DLX5: variants seen among roughly 807,000 people sequenced by gnomAD.
DLX5 encodes the protein distal-less homeobox 5.
Under a neutral mutation model 27.1 loss-of-function variants are expected in DLX5, and 8 were observed. That is an observed-to-expected ratio of 0.30 (90% confidence interval 0.17 to 0.53). The LOEUF is 0.53. DLX5 is among the 20% of genes least tolerant of loss of function. The probability of loss-of-function intolerance (pLI) is 0.95; values close to 1 mark genes in which losing one functional copy is unlikely to be tolerated. For synonymous variants in DLX5, 178 were observed against 161.9 expected (o/e 1.10, Z -0.75); for missense variants, 339 against 375.1 (o/e 0.90, Z 0.80).
Position 97,022,060 on chromosome 7 carries a change from T to G in DLX5, c.540+125A>C, listed in dbSNP as rs186612887. The G allele has an allele frequency of 1.7e-4, 192 of 1,139,404 alleles. 1 individual carries two copies. In the African/African-American group the frequency reaches 2.8e-3, roughly 16 times the overall value. The allele number at this position is 1,139,404 out of a possible 1,614,324, so 70.6% of individuals were successfully genotyped here. On this transcript the variant is annotated intron_variant, in intron 2 of 2. Coordinates refer to ENST00000648378, the MANE Select transcript of DLX5 (RefSeq NM_005221.6). ...CCGAGTTAAAGCATAGGGGCTGATG[T>G]CTTTGGGTCTGTTAGTTTCTCACGG... is the stretch of plus-strand genomic sequence containing the variant.
chr7:97,020,621 C>T lies in DLX5; in HGVS notation c.*115G>A. On this transcript the variant is annotated 3_prime_UTR_variant, in exon 3 of 3. Transcript: ENST00000648378. The stretch of plus-strand genomic sequence containing the variant: ...AACTTACATGCAAAAAAAAGCTTTA[C>T]ACATGAATCTTTTTCAGTTTTCCGA... 1.8e-6 allele frequency: 2 copies of T among 1,095,300 alleles called. No individual in the cohort carries two copies. Among genetic ancestry groups the T allele is most frequent in the Admixed American group, 3.2e-5 (1 of 31,082 alleles). The allele number at this position is 1,095,300 out of a possible 1,614,324, so 67.8% of individuals were successfully genotyped here.
chr7:97,024,375 G>T lies in DLX5; in HGVS notation c.249C>A (p.Ser83=). Residue 83 remains serine (S), a synonymous_variant, in exon 1 of 3, where the codon TCC becomes TCA. Coordinates refer to ENST00000648378, the MANE Select transcript of DLX5 (RefSeq NM_005221.6). This position sits in a 1 kb window ranked among gnomAD's most constrained non-coding sequence, Gnocchi z 4.6. ...AAGCTTTGGCTGGGTAGCTCCCGGC[G>T]GAGCCGTTCACGCCGTGATACTGAT... is the stretch of plus-strand genomic sequence containing the variant. ...YQYQYHGVNG[S]AGSYPAKAYA... is the part of the protein sequence containing the mutation. 6.2e-7 allele frequency: 1 copy of T among 1,614,242 alleles called. No homozygotes were observed. Among genetic ancestry groups the T allele is most frequent in the Non-Finnish European group, 8.5e-7 (1 of 1,180,050 alleles).
chr7:97,022,947 C>T (rs1584167069), intron 1 of DLX5, among the ~76,000 whole-genome samples: 1 of 151,856 alleles, frequency 6.6e-6, no homozygotes, highest in Non-Finnish European at 1.5e-5. Context: ...TATGCAACCC[C>T]CATAATCTCG....
rs1380318930 is a variant in DLX5 at position 97,024,565 on chromosome 7, G to A, written c.59C>T (p.Pro20Leu). The change falls in exon 1 of 3, where the codon CCG (proline) becomes CTG (leucine). Residue 20 changes from proline (P) to leucine (L), a missense_variant. Coordinates refer to ENST00000648378, the MANE Select transcript of DLX5 (RefSeq NM_005221.6). The surrounding 1 kb of genome is among the most constrained non-coding windows in gnomAD (Gnocchi z 4.6). Reference sequence around the variant, plus strand: ...GTGCATAGCTGCGGACGTCTGGAACGGAGCTTGGAAGTCGCCGGATCGGAT... The same window carrying A: ...GTGCATAGCTGCGGACGTCTGGAACAGAGCTTGGAAGTCGCCGGATCGGAT... ...PSIRSGDFQAPFQTSAAMHHP... is the reference protein window; with the variant it reads ...PSIRSGDFQALFQTSAAMHHP... 6.2e-7 allele frequency: 1 copy of A among 1,611,596 alleles called. No homozygotes were observed. The highest frequency in any genetic ancestry group is 1.1e-5 in the South Asian group (1 of 91,044).
At position 97,024,731 on chromosome 7, in the gene DLX5, G is replaced by GGAGGAGGAGGAA; in HGVS notation, c.-120_-109dup. On this transcript the variant is annotated 5_prime_UTR_variant, in exon 1 of 3. Transcript: ENST00000648378. The surrounding 1 kb of genome is among the most constrained non-coding windows in gnomAD (Gnocchi z 4.6). ...AAGCAGACATGGCTGTGGGAGCGAG[G>GGAGGAGGAGGAA]GAGGAGGAGGAAGAGGAGGAGGAGA... The GGAGGAGGAGGAA allele has an allele frequency of 2.1e-6, 2 of 964,508 alleles. No homozygotes were observed. The highest frequency in any genetic ancestry group is 3.1e-6 in the Non-Finnish European group (2 of 652,292). 59.7% of individuals were successfully genotyped at this position (964,508 alleles called of 1,614,324 possible).
intron 1 of DLX5, among the ~76,000 whole-genome samples, chr7:97,023,652 T>C (rs1790123539): frequency 6.6e-6 from 1 of 152,052 alleles, no homozygotes; most frequent in Admixed American, 6.5e-5. Context: ...TCCTACAACG[T>C]GACCCCTCAG....
chr7:97,024,802 G>T lies in DLX5; in HGVS notation c.-179C>A. On this transcript the variant is annotated 5_prime_UTR_variant, in exon 1 of 3. Transcript: ENST00000648378. This position sits in a 1 kb window ranked among gnomAD's most constrained non-coding sequence, Gnocchi z 4.6. ...CGGCGAGGAGGAGACTGGGAGTCGTGAAGTCTCTGTCTCCGGCCGGCTGAC... is the reference window on the plus strand; with the variant it reads ...CGGCGAGGAGGAGACTGGGAGTCGTTAAGTCTCTGTCTCCGGCCGGCTGAC... The T allele has an allele frequency of 5.0e-6, 3 of 600,956 alleles. No individual in the cohort carries two copies. The highest frequency in any genetic ancestry group is 2.2e-5 in the South Asian group (1 of 45,848). The allele number at this position is 600,956 out of a possible 1,614,324, so 37.2% of individuals were successfully genotyped here. A position where few individuals can be genotyped will look rare whatever the true frequency, so the allele number is the denominator to read the frequency against.
intron 2 of DLX5, among the ~76,000 whole-genome samples, chr7:97,021,448 C>A (rs1006371181): frequency 6.6e-6 from 1 of 152,170 alleles, no homozygotes; most frequent in Non-Finnish European, 1.5e-5. Flanking sequence ...CGCGCGAGCC[C>A]GGCGGGGAAG....
rs142492086 is a variant in DLX5, at chr7:97,020,914, C to A, written c.692G>T (p.Arg231Leu). 1.9e-6 allele frequency: 3 copies of A among 1,613,966 alleles called. No individual in the cohort carries two copies. Among genetic ancestry groups the A allele is most frequent in the East Asian group, 4.5e-5 (2 of 44,886 alleles). ...GGCATGAGGGTGGTGGCTGAGCGAG[C>A]GGGACGAGCCCTGGGGCTCCCACAC... ...PAVWEPQGSS[R>L]SLSHHPHAHP... The change falls in exon 3 of 3, where the codon CGC becomes CTC. Residue 231 changes from arginine (R) to leucine (L), a missense_variant. By Grantham distance (102) the Arg-to-Leu change is moderately radical. This residue lies in a region of DLX5 where 136 missense variants were observed against 130.3 expected (regional missense o/e 1.04). Transcript: ENST00000648378.
chr7:97,022,482 C>A, intron 1 of DLX5, 113 bp from the exon 2 acceptor site: 1 of 1,528,510 alleles, frequency 6.5e-7, no homozygotes, highest in South Asian at 1.3e-5. Flanking sequence ...CATTCTTTGC[C>A]CATATCACCA....
rs150240386 is a variant in DLX5 at position 97,022,550 on chromosome 7, G to C, written c.356-181C>G. On this transcript the variant is annotated intron_variant, in intron 1 of 2. Transcript: ENST00000648378. Reference sequence around the variant, plus strand: ...GCACCTACCCCAAATATGGAAAAGCGGGATAGCCTCTGATTAATTCCTACT... The same window carrying C: ...GCACCTACCCCAAATATGGAAAAGCCGGATAGCCTCTGATTAATTCCTACT... 2.2e-5 allele frequency: 22 copies of C among 985,410 alleles called. No homozygotes were observed. In the African/African-American group the frequency reaches 3.7e-4, roughly 16 times the overall value. 61.0% of individuals were successfully genotyped at this position (985,410 alleles called of 1,614,324 possible).
intron 2 of DLX5, chr7:97,021,874 C>A: frequency 1.7e-6 from 1 of 593,814 alleles, no homozygotes; most frequent in Admixed American, 3.0e-5. Context: ...TCTGGGCTGC[C>A]TAGGCCGCCC....
intron 2 of DLX5, among the ~76,000 whole-genome samples, chr7:97,021,519 G>T (rs1189610976): frequency 6.6e-6 from 1 of 152,182 alleles, no homozygotes; most frequent in African/African-American, 2.4e-5. Flanking sequence ...CCAACCTCCC[G>T]TCCTACTCCC....
In DLX5 at chr7:97,024,506, A is replaced by C. The variant is rs1442997651; in HGVS notation, c.118T>G (p.Ser40Ala). ...TAGTAGTCAGAATCGGTAGCTGAAG[A>C]CTCGGGCAAAGTTGGCGATTCCTGA... ...PSQESPTLPE[S>A]SATDSDYYSP... Residue 40 changes from serine (S) to alanine (A), a missense_variant, in exon 1 of 3, where the codon TCT becomes GCT. Around this residue, in one of 3 missense-constraint regions of DLX5, gnomAD observed 188 missense variants for 206.1 expected, o/e 0.91. Transcript: ENST00000648378. The surrounding 1 kb of genome is among the most constrained non-coding windows in gnomAD (Gnocchi z 4.6). 4.3e-6 allele frequency: 7 copies of C among 1,614,144 alleles called. No homozygotes were observed. The highest frequency in any genetic ancestry group is 5.9e-6 in the Non-Finnish European group (7 of 1,180,028).
intron 2 of DLX5, among the ~76,000 whole-genome samples, chr7:97,021,778 T>C (rs145643861): frequency 0.011 from 1,631 of 152,196 alleles, 21 homozygotes; most frequent in Middle Eastern, 0.017. Flanking sequence ...TTCTCAGCCT[T>C]TTCTTAGCCT....
intron 1 of DLX5, among the ~76,000 whole-genome samples, chr7:97,023,337 GGTGTGTGTGTGTGTGTGTGTGTGTGTGT>G (rs10525881): frequency 6.9e-6 from 1 of 145,404 alleles, no homozygotes; most frequent in Admixed American, 6.8e-5. Context: ...ACCTCTCCAG[GGTGTGTGTGTGTGTGTGTGTGTGTGTGT>G]GTGTGTGTGT....
At chr7:97,023,748 G>A (rs1465332263) in intron 1 of DLX5, among the ~76,000 whole-genome samples, 1 of 152,022 alleles carries the variant, frequency 6.6e-6, no homozygotes, top group Non-Finnish European at 1.5e-5. Flanking sequence ...TTCTCTGGCT[G>A]GCTACAACTC....
Position 97,021,063 on chromosome 7 carries a change from C to T in DLX5, c.543G>A (p.Val181=). The T allele has an allele frequency of 6.2e-7, 1 of 1,601,758 alleles. No individual in the cohort carries two copies. Among genetic ancestry groups the T allele is most frequent in the African/African-American group, 1.3e-5 (1 of 74,874 alleles). ...AASLGLTQTQ[V]KIWFQNKRSK... is the part of the protein sequence containing the mutation. ...ATCTTTTGTTCTGAAACCAGATTTT[C>T]ACCTGAGTTGGGGAACAAAGGCACA... is the stretch of plus-strand genomic sequence containing the variant. Residue 181 remains valine, a splice_region_variant and synonymous_variant, in exon 3 of 3, where the codon GTG becomes GTA. Transcript: ENST00000648378.
intron 2 of DLX5, 46 bp from the exon 3 acceptor site, chr7:97,021,111 C>A (rs1440855487): frequency 6.5e-7 from 1 of 1,535,380 alleles, no homozygotes; most frequent in South Asian, 1.2e-5. Flanking sequence ...ACTCAGAGGT[C>A]GCCCGCGCCT....
Sources: gnomAD v4.1 joint callset for allele counts (sites outside exome capture counted in the v4.1 genomes callset) on GRCh38, gnomAD v4.1.1 for gene constraint, gnomAD v4.1.1 regional missense constraint, Gnocchi (gnomAD v3.1) non-coding constraint, MANE v1.5 for transcripts, NCBI Gene and HGNC (gene_info 2026-07-23, HGNC 2026-07-21) for gene names.